LPAR1: variants seen among roughly 807,000 people sequenced by gnomAD.
LPAR1 encodes lysophosphatidic acid receptor 1, also known as LPA receptor 1.
A neutral mutation model predicts 23.8 loss-of-function variants in LPAR1; 5 were observed. That is an observed-to-expected ratio of 0.21 (90% CI 0.11 to 0.44). The LOEUF (loss-of-function observed/expected upper bound fraction) is 0.44. Among genes scored for constraint, LPAR1 ranks in the 20% least tolerant of loss-of-function variants. The pLI is 0.99. For missense variants in LPAR1, 311 were observed against 482.8 expected (o/e 0.64, Z 3.33); for synonymous variants, 160 against 164.7 (o/e 0.97, Z 0.22).
intron 2 of LPAR1, among the ~76,000 whole-genome samples, chr9:111,006,412 TTC>T (rs2097218963): frequency 6.6e-6 from 1 of 152,184 alleles, no homozygotes; most frequent in Non-Finnish European, 1.5e-5. Flanking sequence ...ATAATTAACT[TTC>T]TGTCTTGGCA....
chr9:110,920,008 T>G (rs1234389694), intron 5 of LPAR1, among the ~76,000 whole-genome samples: 1 of 152,172 alleles, frequency 6.6e-6, no homozygotes, highest in African/African-American at 2.4e-5. Context: ...GCAAACTTTG[T>G]ATAGGCCACA....
chr9:110,920,015 C>T (rs2093508151), intron 5 of LPAR1, among the ~76,000 whole-genome samples: 1 of 152,112 alleles, frequency 6.6e-6, no homozygotes, highest in Admixed American at 6.6e-5. Context: ...TTGTATAGGC[C>T]ACAAAGGAGG....
At chr9:110,953,771 C>A (rs960471140) in intron 4 of LPAR1, among the ~76,000 whole-genome samples, 1 of 152,020 alleles carries the variant, frequency 6.6e-6, no homozygotes. Context: ...AAGTGACCTA[C>A]ACAACCAACA....
intron 2 of LPAR1, among the ~76,000 whole-genome samples, chr9:111,024,665 A>C (rs1479684070): frequency 6.6e-6 from 1 of 151,536 alleles, no homozygotes; most frequent in Non-Finnish European, 1.5e-5. Context: ...CTCGCCATCT[A>C]CATTAGGTAT....
At chr9:110,971,094 C>T (rs757983764) in intron 4 of LPAR1, among the ~76,000 whole-genome samples, 2 of 152,110 alleles carry the variant, frequency 1.3e-5, no homozygotes, top group Non-Finnish European at 2.9e-5. Flanking sequence ...AAGATCATGC[C>T]ACTACACTCC....
intron 5 of LPAR1, among the ~76,000 whole-genome samples, chr9:110,880,815 G>A (rs2080551471): frequency 6.6e-6 from 1 of 152,160 alleles, no homozygotes; most frequent in South Asian, 2.1e-4. Flanking sequence ...CTCAGGTCAG[G>A]CAGCGTGGTA....
chr9:111,033,105 T>C (rs775482524), intron 2 of LPAR1, among the ~76,000 whole-genome samples: 1 of 152,140 alleles, frequency 6.6e-6, no homozygotes, highest in African/African-American at 2.4e-5. Flanking sequence ...ATAACCTAAA[T>C]CCATGAATGT....
chr9:110,911,297 A>G (rs1192647216), intron 5 of LPAR1, among the ~76,000 whole-genome samples: 1 of 152,164 alleles, frequency 6.6e-6, no homozygotes, highest in African/African-American at 2.4e-5. Flanking sequence ...CTATAATCCC[A>G]GCACTTTGAG....
Position 110,996,555 on chromosome 9 carries a change from C to T in LPAR1, c.-181-22997G>A, listed in dbSNP as rs141844317. Among the ~76,000 whole-genome samples, 612 of 152,182 alleles carry T rather than the reference C, an allele frequency of 4.0e-3. 1 individual carries two copies. Among genetic ancestry groups the T allele is most frequent in the Middle Eastern group, 0.01 (3 of 294 alleles). On this transcript the variant is annotated intron_variant, in intron 2 of 5. Coordinates refer to ENST00000683809, the MANE Select transcript of LPAR1 (RefSeq NM_001351411.2). The stretch of plus-strand genomic sequence containing the variant: ...CTCAGTGGCTGTGGGTGCGACCTGA[C>T]CAAGAATTTCCTGGGGCTTGAGAAG...
At chr9:110,887,825 G>A (rs1207698627) in intron 5 of LPAR1, among the ~76,000 whole-genome samples, 1 of 152,106 alleles carries the variant, frequency 6.6e-6, no homozygotes, top group Non-Finnish European at 1.5e-5. Flanking sequence ...CAGTTCTAAA[G>A]CTGTCTAAAT....
chr9:111,024,340 C>T (rs1017676949), intron 2 of LPAR1, among the ~76,000 whole-genome samples: 4 of 149,782 alleles, frequency 2.7e-5, no homozygotes, highest in African/African-American at 9.8e-5. Flanking sequence ...ATGAAAATGG[C>T]AGCTAATACA....
intron 5 of LPAR1, among the ~76,000 whole-genome samples, chr9:110,891,597 G>T (rs1481664881): frequency 1.3e-5 from 2 of 152,130 alleles, no homozygotes; most frequent in South Asian, 2.1e-4. Flanking sequence ...TTTAAAACAT[G>T]AAGAAAAGAT....
chr9:110,933,464 C>T (rs891790803), intron 5 of LPAR1, among the ~76,000 whole-genome samples: 12 of 152,166 alleles, frequency 7.9e-5, no homozygotes, highest in African/African-American at 2.9e-4. Context: ...TGCTCACAAC[C>T]ACTTGAGAAA....
intron 2 of LPAR1, among the ~76,000 whole-genome samples, chr9:111,005,183 A>G (rs981571073): frequency 6.8e-6 from 1 of 147,558 alleles, no homozygotes. Flanking sequence ...AAAGTTCTCT[A>G]GCTCTAATCT....
chr9:110,941,668 G>A lies in LPAR1; in HGVS notation c.546C>T (p.Pro182=). ...WTMAIVMGAI[P]SVGWNCICDI... is the part of the protein sequence containing the mutation. Reference sequence around the variant, plus strand: ...CACAGATACAGTTCCAGCCCACACTGGGTATAGCACCCATAACGATGGCCA... The same window carrying A: ...CACAGATACAGTTCCAGCCCACACTAGGTATAGCACCCATAACGATGGCCA... Residue 182 remains proline, a synonymous_variant, in exon 5 of 6, where the codon CCC becomes CCT. Coordinates refer to ENST00000683809, the MANE Select transcript of LPAR1 (RefSeq NM_001351411.2). This position sits in a 1 kb window ranked among gnomAD's most constrained non-coding sequence, Gnocchi z 6.1. 1 of 1,614,176 alleles carries A rather than the reference G, an allele frequency of 6.2e-7. No homozygotes were observed. Among genetic ancestry groups the A allele is most frequent in the Non-Finnish European group, 8.5e-7 (1 of 1,180,018 alleles).
In LPAR1 at chr9:110,941,207, C is replaced by G. The variant is rs2095077040; in HGVS notation, c.793+214G>C. ...TTTTACATCATCATCATTTATACTG[C>G]ACCACTGGGACCCATGTTTCCCTAA... On this transcript the variant is annotated intron_variant, in intron 5 of 5. Coordinates refer to ENST00000683809, the MANE Select transcript of LPAR1 (RefSeq NM_001351411.2). This position sits in a 1 kb window ranked among gnomAD's most constrained non-coding sequence, Gnocchi z 6.1. Among the ~76,000 whole-genome samples, 1 of 152,164 alleles carries G rather than the reference C, an allele frequency of 6.6e-6. No homozygotes were observed. The highest frequency in any genetic ancestry group is 6.5e-5 in the Admixed American group (1 of 15,282).
intron 2 of LPAR1, among the ~76,000 whole-genome samples, chr9:111,022,212 A>G (rs2097572968): frequency 6.6e-6 from 1 of 152,112 alleles, no homozygotes. Context: ...CAAAGTTGAA[A>G]ATAGAAAGCA....
intron 4 of LPAR1, among the ~76,000 whole-genome samples, chr9:110,961,726 C>A (rs2095995914): frequency 6.6e-6 from 1 of 151,614 alleles, no homozygotes; most frequent in Non-Finnish European, 1.5e-5. Flanking sequence ...GAAGGAGGAG[C>A]AAAGGCACAT....
chr9:111,012,783 A>C lies in LPAR1; in HGVS notation c.-182+23339T>G, dbSNP rs1035440861. ...AAAAAACTAAGAAACTGTTCAATTG[A>C]GAGAAATATGCCAGAAGAGAGGAGA... On this transcript the variant is annotated intron_variant, in intron 2 of 5. Transcript: ENST00000683809. Among the ~76,000 whole-genome samples, 4 of 152,118 alleles carry C rather than the reference A, an allele frequency of 2.6e-5. No homozygotes were observed. In the East Asian group the frequency reaches 5.8e-4, roughly 22 times the overall value.
Sources: gnomAD v4.1 joint callset for allele counts (sites outside exome capture counted in the v4.1 genomes callset) on GRCh38, gnomAD v4.1.1 for gene constraint, Gnocchi (gnomAD v3.1) non-coding constraint, MANE v1.5 for transcripts, NCBI Gene and HGNC (gene_info 2026-07-23, HGNC 2026-07-21) for gene names.